Variants in MUC3A observed in about 807,000 individuals in gnomAD.
MUC3A encodes mucin 3A, cell surface associated.
Under a neutral mutation model 109.0 loss-of-function variants are expected in MUC3A, and 109 were observed. The observed-to-expected ratio is 1.00, with a 90% confidence interval of 0.86 to 1.17. MUC3A has a LOEUF of 1.17. Among genes scored for constraint, MUC3A ranks in the 50% most tolerant of loss-of-function variants. The probability of loss-of-function intolerance (pLI) is 0.00; values close to 1 mark genes in which losing one functional copy is unlikely to be tolerated. For synonymous variants in MUC3A, 1,398 were observed against 981.4 expected (o/e 1.42, Z -7.93); for missense variants, 3,537 against 2,469.4 (o/e 1.43, Z -9.16).
chr7:100,959,343 C>T lies in MUC3A; in HGVS notation c.7564C>T (p.Arg2522Ter), dbSNP rs772846878. ...IPTDISTLPT[R>*]THIISSSPSI... ...CACTGATATCAGTACCTTACCAACTCGAACACACATCATTTCATCTTCTCC... is the reference window on the plus strand; with the variant it reads ...CACTGATATCAGTACCTTACCAACTTGAACACACATCATTTCATCTTCTCC... Residue 2522 changes from arginine to a stop codon, truncating the protein, a stop_gained, in exon 2 of 12, where the codon CGA (arginine) becomes TGA (stop). Transcript: ENST00000379458. LOFTEE classifies it high-confidence loss of function. The T allele has an allele frequency of 1.3e-5, 20 of 1,547,926 alleles. No individual in the cohort carries two copies. The highest frequency in any genetic ancestry group is 1.1e-4 in the African/African-American group (8 of 73,608).
chr7:100,964,936 C>A (rs1451163271), intron 6 of MUC3A, 93 bp downstream of exon 6: 1 of 1,478,840 alleles, frequency 6.8e-7, no homozygotes, highest in Non-Finnish European at 9.0e-7. Flanking sequence ...AGGTGCCAGC[C>A]CTGTGGTACC....
chr7:100,953,595 G>T lies in MUC3A; in HGVS notation c.1816G>T (p.Ala606Ser). 1 of 435,890 alleles carries T rather than the reference G, an allele frequency of 2.3e-6. No individual in the cohort carries two copies. The highest frequency in any genetic ancestry group is 4.0e-6 in the Non-Finnish European group (1 of 248,738). The allele number at this position is 435,890 out of a possible 1,614,324, so 27.0% of individuals were successfully genotyped here. A position where few individuals can be genotyped will look rare whatever the true frequency, so the allele number is the denominator to read the frequency against. The change falls in exon 2 of 12, where the codon GCC (alanine) becomes TCC (serine). Residue 606 changes from alanine to serine, a missense_variant. By Grantham distance (99) the Ala-to-Ser change is moderately conservative. Coordinates refer to ENST00000379458, the MANE Select transcript of MUC3A (RefSeq NM_005960.2). The part of the protein sequence containing the change: ...TGQTTFTSST[A>S]TFPETTTPTP... ...TCAGACCACCTTCACCAGCTCTACA[G>T]CCACATTTCCTGAGACCACCACACC...
Position 100,967,331 on chromosome 7 carries a change from T to C in MUC3A, c.*169T>C, listed in dbSNP as rs914362034. The C allele has an allele frequency of 2.9e-5, 32 of 1,122,640 alleles. No individual in the cohort carries two copies. Among genetic ancestry groups the C allele is most frequent in the Non-Finnish European group, 3.9e-5 (31 of 796,674 alleles). 69.5% of individuals were successfully genotyped at this position (1,122,640 alleles called of 1,614,324 possible). A position where few individuals can be genotyped will look rare whatever the true frequency, so the allele number is the denominator to read the frequency against. ...CCCATCCTTCTCCTTCCAACTTGGCTGAAACCCACCTGGAGACGCAGTTCA... is the reference window on the plus strand; with the variant it reads ...CCCATCCTTCTCCTTCCAACTTGGCCGAAACCCACCTGGAGACGCAGTTCA... On this transcript the variant is annotated 3_prime_UTR_variant, in exon 12 of 12. Transcript: ENST00000379458.
In MUC3A at chr7:100,955,045, C is replaced by G; in HGVS notation, c.3266C>G (p.Thr1089Ser). The change falls in exon 2 of 12, where the codon ACT (threonine) becomes AGT (serine). Residue 1089 changes from threonine to serine, a missense_variant. Coordinates refer to ENST00000379458, the MANE Select transcript of MUC3A (RefSeq NM_005960.2). ...CCTACATCTGAGACCACCTACCCTA[C>G]TTCTCCCACCAGCATTGTCTCAGAC... ...STPTSETTYP[T>S]SPTSIVSDST... 3 of 479,554 alleles carry G rather than the reference C, an allele frequency of 6.3e-6. No homozygotes were observed. The highest frequency in any genetic ancestry group is 1.1e-5 in the Non-Finnish European group (3 of 276,964). The allele number at this position is 479,554 out of a possible 1,614,324, so 29.7% of individuals were successfully genotyped here.
Position 100,959,096 on chromosome 7 carries a change from T to A in MUC3A, c.7317T>A (p.Ser2439Arg), listed in dbSNP as rs1410489271. The change falls in exon 2 of 12, where the codon AGT becomes AGA. Residue 2439 changes from serine (S) to arginine (R), a missense_variant. Coordinates refer to ENST00000379458, the MANE Select transcript of MUC3A (RefSeq NM_005960.2). ...SITTTETTSESTPSLSSSTIY... is the reference protein window; with the variant it reads ...SITTTETTSERTPSLSSSTIY... ...CCACCACTGAGACCACCTCAGAGAGTACTCCCAGCCTCAGTTCTTCAACCA... is the reference window on the plus strand; with the variant it reads ...CCACCACTGAGACCACCTCAGAGAGAACTCCCAGCCTCAGTTCTTCAACCA... The A allele has an allele frequency of 6.3e-7, 1 of 1,595,466 alleles. No homozygotes were observed. The highest frequency in any genetic ancestry group is 2.2e-5 in the East Asian group (1 of 44,744).
intron 4 of MUC3A, 30 bp downstream of exon 4, chr7:100,963,296 T>G: frequency 6.6e-7 from 1 of 1,526,568 alleles, no homozygotes. Context: ...GATTTTTTTT[T>G]TTTTTTTGAG....
At position 100,959,077 on chromosome 7, in the gene MUC3A, C is replaced by T. The variant is rs1236000832; in HGVS notation, c.7298C>T (p.Thr2433Ile). 6.3e-7 allele frequency: 1 copy of T among 1,594,638 alleles called. No homozygotes were observed. The highest frequency in any genetic ancestry group is 8.5e-7 in the Non-Finnish European group (1 of 1,177,344). Residue 2433 changes from threonine (T) to isoleucine (I), a missense_variant, in exon 2 of 12, where the codon ACT (threonine) becomes ATT (isoleucine). Thr to Ile is a moderately conservative substitution (Grantham distance 89, BLOSUM62 -1). Transcript: ENST00000379458. ...GGCTTCACTTCTTCAATCACCACCACTGAGACCACCTCAGAGAGTACTCCC... is the reference window on the plus strand; with the variant it reads ...GGCTTCACTTCTTCAATCACCACCATTGAGACCACCTCAGAGAGTACTCCC... ...TPGFTSSITT[T>I]ETTSESTPSL...
In MUC3A at chr7:100,957,064, C is replaced by T. The variant is rs897277034; in HGVS notation, c.5285C>T (p.Pro1762Leu). The change falls in exon 2 of 12, where the codon CCC (proline) becomes CTC (leucine). Residue 1762 changes from proline to leucine, a missense_variant. Pro to Leu is a moderately conservative substitution (Grantham distance 98). Transcript: ENST00000379458. Reference protein sequence around the residue: ...SFKTAVSSTPPITSSITSTYT... With the variant: ...SFKTAVSSTPLITSSITSTYT... ...AAAACAGCCGTGAGTTCTACTCCCC[C>T]CATCACTTCTTCAATCACCTCCACA... is the stretch of plus-strand genomic sequence containing the variant. 6 of 469,608 alleles carry T rather than the reference C, an allele frequency of 1.3e-5. No homozygotes were observed. Among genetic ancestry groups the T allele is most frequent in the Non-Finnish European group, 2.2e-5 (6 of 267,116 alleles). The allele number at this position is 469,608 out of a possible 1,614,324, so 29.1% of individuals were successfully genotyped here.
intron 5 of MUC3A, 127 bp from the exon 6 acceptor site, chr7:100,964,567 TG>T: frequency 7.1e-7 from 1 of 1,405,928 alleles, no homozygotes; most frequent in Non-Finnish European, 9.4e-7. Context: ...AGGATGCACG[TG>T]GCATCCCAAC....
chr7:100,958,395 A>C lies in MUC3A; in HGVS notation c.6616A>C (p.Ile2206Leu). 7.4e-7 allele frequency: 1 copy of C among 1,342,678 alleles called. No individual in the cohort carries two copies. The highest frequency in any genetic ancestry group is 1.8e-5 in the African/African-American group (1 of 55,632). 83.2% of individuals were successfully genotyped at this position (1,342,678 alleles called of 1,614,324 possible). A position where few individuals can be genotyped will look rare whatever the true frequency, so the allele number is the denominator to read the frequency against. The change falls in exon 2 of 12, where the codon ATT becomes CTT. Residue 2206 changes from isoleucine to leucine, a missense_variant. Physicochemically the swap from Ile to Leu is conservative, Grantham distance 5. Coordinates refer to ENST00000379458, the MANE Select transcript of MUC3A (RefSeq NM_005960.2). The part of the protein sequence containing the change: ...ETTSHSTPSY[I>L]TSITTTETPS... ...CACCTCACACAGTACTCCCAGCTAC[A>C]TTACCTCAATCACCACCACCGAGAC...
chr7:100,957,445 C>A lies in MUC3A; in HGVS notation c.5666C>A (p.Thr1889Lys). ...ACCACAGTAACAGCCACAGTTCCAA[C>A]AACAAACTTGGTAACCACGACCACC... The part of the protein sequence containing the change: ...LLTTVTATVP[T>K]TNLVTTTTKI... The change falls in exon 2 of 12, where the codon ACA becomes AAA. Residue 1889 changes from threonine (T) to lysine (K), a missense_variant. By Grantham distance (78) the Thr-to-Lys change is moderately conservative (BLOSUM62 -1). Coordinates refer to ENST00000379458, the MANE Select transcript of MUC3A (RefSeq NM_005960.2). The A allele has an allele frequency of 1.5e-5, 14 of 931,086 alleles. 1 individual carries two copies. The South Asian group carries it at 5.8e-4, about 38-fold the overall frequency. The allele number at this position is 931,086 out of a possible 1,614,324, so 57.7% of individuals were successfully genotyped here.
At chr7:100,965,663 T>G (rs1386234213) in intron 7 of MUC3A, 41 bp from the exon 8 acceptor site, 11 of 1,575,972 alleles carry the variant, frequency 7.0e-6, no homozygotes, top group African/African-American at 1.3e-5. Context: ...ATAGAATGGA[T>G]GAGGTCCTTG....
In MUC3A at chr7:100,949,616, G is replaced by A. The variant is rs775106315; in HGVS notation, c.-9G>A. 1.2e-5 allele frequency: 18 copies of A among 1,548,458 alleles called. No homozygotes were observed. The highest frequency in any genetic ancestry group is 1.2e-5 in the South Asian group (1 of 85,034). On this transcript the variant is annotated 5_prime_UTR_variant, in exon 1 of 12. Transcript: ENST00000379458. ...CCTGTTCTGCCCCAGCCCCCTGCCC[G>A]CTGGGCCCATGCAGCTGTTGGGGCT... is the stretch of plus-strand genomic sequence containing the variant.
chr7:100,958,201 C>G lies in MUC3A; in HGVS notation c.6422C>G (p.Thr2141Ser). 2 of 1,062,920 alleles carry G rather than the reference C, an allele frequency of 1.9e-6. No individual in the cohort carries two copies. Among genetic ancestry groups the G allele is most frequent in the East Asian group, 5.0e-5 (2 of 40,194 alleles). 65.8% of individuals were successfully genotyped at this position (1,062,920 alleles called of 1,614,324 possible). Reference protein sequence around the residue: ...ITTTENATHSTPNFTSSITTT... With the variant: ...ITTTENATHSSPNFTSSITTT... Reference sequence around the variant, plus strand: ...ACCACTGAGAACGCCACACACAGTACTCCCAACTTCACTTCTTCAATCACC... The same window carrying G: ...ACCACTGAGAACGCCACACACAGTAGTCCCAACTTCACTTCTTCAATCACC... The change falls in exon 2 of 12, where the codon ACT (threonine) becomes AGT (serine). Residue 2141 changes from threonine to serine, a missense_variant. Thr to Ser is a moderately conservative substitution (Grantham distance 58, BLOSUM62 1). Coordinates refer to ENST00000379458, the MANE Select transcript of MUC3A (RefSeq NM_005960.2).
rs1792397063 is a variant in MUC3A at position 100,963,169 on chromosome 7, T to C, written c.9071T>C (p.Val3024Ala). 5 of 1,598,208 alleles carry C rather than the reference T, an allele frequency of 3.1e-6. No individual in the cohort carries two copies. The African/African-American group carries it at 4.0e-5, about 13-fold the overall frequency. The change falls in exon 4 of 12, where the codon GTG (valine) becomes GCG (alanine). Residue 3024 changes from valine to alanine, a missense_variant. Transcript: ENST00000379458. ...TGTGTAGATGTAGTGGAGACCGAGGTGGGCATGGAAGTGTCTGTGGATCAG... is the reference window on the plus strand; with the variant it reads ...TGTGTAGATGTAGTGGAGACCGAGGCGGGCATGGAAGTGTCTGTGGATCAG... ...QVDLDVVETE[V>A]GMEVSVDQQF... is the part of the protein sequence containing the mutation.
In MUC3A at chr7:100,960,469, G is replaced by A. The variant is rs759222096; in HGVS notation, c.8690G>A (p.Ser2897Asn). 4.4e-6 allele frequency: 7 copies of A among 1,598,538 alleles called. No homozygotes were observed. In the Admixed American group the frequency reaches 1.0e-4, roughly 23 times the overall value. Residue 2897 changes from serine (S) to asparagine (N), a missense_variant, in exon 2 of 12, where the codon AGT becomes AAT. Ser to Asn is a conservative substitution (Grantham distance 46). Coordinates refer to ENST00000379458, the MANE Select transcript of MUC3A (RefSeq NM_005960.2). ...STIPLTMKPS[S>N]SLPTILRTSS... ...ATCCCGCTCACCATGAAACCAAGCA[G>A]TAGCCTCCCGACCATCCTGAGGACT...
At chr7:100,965,067 T>A in intron 6 of MUC3A, 1 of 1,123,260 alleles carries the variant, frequency 8.9e-7, no homozygotes, top group Non-Finnish European at 1.2e-6. Flanking sequence ...ATGGTCAGCA[T>A]TTCCCGGATG....
At chr7:100,966,793 T>A (rs760523316) in intron 10 of MUC3A, 50 bp downstream of exon 10, 17 of 1,598,322 alleles carry the variant, frequency 1.1e-5, no homozygotes, top group Admixed American at 1.7e-5. Context: ...TGGGCACCAC[T>A]GCGAGGACAG....
In MUC3A at chr7:100,966,723, G is replaced by A; in HGVS notation, c.9857G>A (p.Gly3286Asp). 6.3e-7 allele frequency: 1 copy of A among 1,598,550 alleles called. No individual in the cohort carries two copies. Among genetic ancestry groups the A allele is most frequent in the Non-Finnish European group, 8.5e-7 (1 of 1,179,830 alleles). ...EEVVGTFSNW[G>D]FEDDGTDKDT... ...GTCGTGGGCACTTTTTCAAACTGGG[G>A]TTTCGAGGACGACGGAACAGGTGAG... Residue 3286 changes from glycine to aspartate, a missense_variant, in exon 10 of 12, where the codon GGT (glycine) becomes GAT (aspartate). Coordinates refer to ENST00000379458, the MANE Select transcript of MUC3A (RefSeq NM_005960.2).
Sources: allele counts gnomAD v4.1 joint callset, GRCh38; gene constraint gnomAD v4.1.1; transcripts MANE v1.5; gene names NCBI Gene and HGNC (gene_info 2026-07-23, HGNC 2026-07-21).